Variants in MADD observed in about 807,000 individuals in gnomAD.
MADD encodes MAP kinase-activating death domain protein.
In MADD, 109 loss-of-function variants were observed where a neutral mutation model predicts 176.7. The observed-to-expected ratio is 0.62, with a 90% CI of 0.53 to 0.72. The LOEUF is 0.72. Ranked by LOEUF, MADD falls within the 30% of genes least tolerant of loss-of-function variation. The pLI, the probability that MADD is intolerant of heterozygous loss-of-function variation, is 0.00. For missense variants in MADD, 1,914 were observed against 2,045.5 expected (o/e 0.94, Z 1.24); for synonymous variants, 771 against 771.3 (o/e 1.00, Z 0.01).
chr11:47,327,938 T>C, intron 31 of MADD: 1 of 985,352 alleles, frequency 1.0e-6, no homozygotes, highest in Non-Finnish European at 1.2e-6. Context: ...ACTCTCACTC[T>C]TGCCTTCTGG....
intron 19 of MADD, among the ~76,000 whole-genome samples, chr11:47,292,892 A>G (rs2066630200): frequency 6.6e-6 from 1 of 151,932 alleles, no homozygotes; most frequent in Admixed American, 6.6e-5. Flanking sequence ...AGTGCCCCCC[A>G]TTGGCTGATA....
At chr11:47,301,166 G>A (rs2077483792) in intron 22 of MADD, among the ~76,000 whole-genome samples, 1 of 151,904 alleles carries the variant, frequency 6.6e-6, no homozygotes, top group South Asian at 2.1e-4. Context: ...AGGCTGGAGT[G>A]CAGTGGTGCA....
At chr11:47,296,962 A>G (rs777670594) in intron 22 of MADD, among the ~76,000 whole-genome samples, 12 of 151,494 alleles carry the variant, frequency 7.9e-5, no homozygotes, top group Non-Finnish European at 1.0e-4. Flanking sequence ...TTTTGTAGAG[A>G]TGGGGTTTCC....
chr11:47,315,458 A>G, intron 27 of MADD, 131 bp downstream of exon 30: 2 of 560,482 alleles, frequency 3.6e-6, no homozygotes, highest in Non-Finnish European at 6.4e-6. Context: ...AAATTATCAG[A>G]TTGGTTTTTT....
intron 27 of MADD, among the ~76,000 whole-genome samples, chr11:47,318,826 GAGAC>G (rs1329729026): frequency 5.9e-4 from 27 of 45,494 alleles, no homozygotes; most frequent in African/African-American, 1.8e-3. Context: ...TTTTTTTTTT[GAGAC>G]AGAGTCTCAC....
Position 47,305,576 on chromosome 11 carries a change from T to G in MADD, c.3643-3015T>G, listed in dbSNP as rs185695937. ...TCAGGTCCCACGGAATGAGGCACCA[T>G]GTAGTAGTGACTCTAGACTCCAGGA... On this transcript the variant is annotated intron_variant, in intron 22 of 32. Coordinates refer to ENST00000402192, the Ensembl canonical transcript of MADD. 5.9e-5 allele frequency among the ~76,000 whole-genome samples: 9 copies of G among 152,154 alleles called. No individual in the cohort carries two copies. In the East Asian group the frequency reaches 1.7e-3, roughly 29 times the overall value.
exon 30 of MADD, chr11:47,324,508 G>A: frequency 6.2e-7 from 1 of 1,614,170 alleles, no homozygotes; most frequent in East Asian, 2.2e-5. Context: ...TGCAGGACCT[G>A]AAGACTGGTG....
At chr11:47,276,049 G>A (rs2049533629) in exon 4 of MADD, 1 of 1,614,174 alleles carries the variant, frequency 6.2e-7, no homozygotes, top group Non-Finnish European at 8.5e-7. Context: ...TAGACATCGA[G>A]GTCCTACCCC....
chr11:47,276,266 C>T, intron 4 of MADD, 64 bp downstream of exon 4: 1 of 1,476,534 alleles, frequency 6.8e-7, no homozygotes, highest in South Asian at 1.3e-5. Context: ...GTGGCCAGAC[C>T]ACGAGCTCTT....
intron 26 of MADD, among the ~76,000 whole-genome samples, chr11:47,312,575 A>G (rs2090339561): frequency 6.6e-6 from 1 of 152,178 alleles, no homozygotes; most frequent in Non-Finnish European, 1.5e-5. Flanking sequence ...TCCTGAGGTT[A>G]CAGGCATGCA....
At chr11:47,313,030 G>A (rs2090722218) in intron 26 of MADD, among the ~76,000 whole-genome samples, 2 of 152,152 alleles carry the variant, frequency 1.3e-5, no homozygotes, top group South Asian at 2.1e-4. Context: ...GTTATTCAGA[G>A]TACCCAACTG....
At chr11:47,305,204 A>G (rs980333926) in intron 22 of MADD, among the ~76,000 whole-genome samples, 4 of 152,088 alleles carry the variant, frequency 2.6e-5, no homozygotes, top group Non-Finnish European at 5.9e-5. Context: ...CATGGCCTAC[A>G]AGCAGCTGCA....
intron 22 of MADD, among the ~76,000 whole-genome samples, chr11:47,302,639 G>A (rs1277379063): frequency 6.6e-6 from 1 of 151,596 alleles, no homozygotes; most frequent in Admixed American, 6.6e-5. Context: ...ATGTGTCTTT[G>A]CTAGTGAAAT....
In MADD at chr11:47,282,894, A is replaced by T. The variant is rs1468849829; in HGVS notation, c.1787A>T (p.Asp596Val). The T allele has an allele frequency of 1.9e-6, 3 of 1,614,048 alleles. No individual in the cohort carries two copies. In the East Asian group the frequency reaches 6.7e-5, roughly 36 times the overall value. The stretch of plus-strand genomic sequence containing the variant: ...CAGCCTATCCACTATCGCGTCTATG[A>T]CAGCAATTCCCAGCTGGCTGAGGCC... The change falls in exon 10 of 33, where the codon GAC becomes GTC. Residue 596 changes from aspartate to valine, a missense_variant. Asp to Val is a radical substitution (Grantham distance 152). Around this residue, in one of 2 missense-constraint regions of MADD, gnomAD observed 1,767 missense variants for 1,836.0 expected, o/e 0.96. Transcript: ENST00000402192.
intron 27 of MADD, among the ~76,000 whole-genome samples, chr11:47,321,129 A>G (rs894690069): frequency 2.6e-5 from 4 of 152,220 alleles, no homozygotes; most frequent in African/African-American, 7.2e-5. Flanking sequence ...TTAGACGACT[A>G]TAACAGTATA....
At chr11:47,298,263 G>A (rs1010656670) in intron 22 of MADD, among the ~76,000 whole-genome samples, 11 of 152,282 alleles carry the variant, frequency 7.2e-5, no homozygotes, top group South Asian at 2.1e-4. Context: ...ACTTCTCTTC[G>A]CTTAGAAGAA....
rs755575127 is a variant in MADD at position 47,285,193 on chromosome 11, C to T, written c.2410C>T (p.Arg804Trp). The stretch of plus-strand genomic sequence containing the variant: ...ATTCAGCCAACATGTCAGTGGCAAT[C>T]GGTGAGAGCCTGGGCATCCCTTCTA... Residue 804 changes from arginine to tryptophan, a missense_variant and splice_region_variant, in exon 13 of 33, where the codon CGG becomes TGG. Arg to Trp is a moderately radical substitution (Grantham distance 101). Around this residue, in one of 2 missense-constraint regions of MADD, gnomAD observed 1,767 missense variants for 1,836.0 expected, o/e 0.96. Transcript: ENST00000402192. The T allele has an allele frequency of 2.4e-5, 38 of 1,613,232 alleles. No homozygotes were observed. The highest frequency in any genetic ancestry group is 1.1e-4 in the South Asian group (10 of 91,046).
chr11:47,292,855 T>C (rs1193705695), intron 19 of MADD, among the ~76,000 whole-genome samples: 2 of 152,098 alleles, frequency 1.3e-5, no homozygotes, highest in Admixed American at 6.5e-5. Flanking sequence ...TGCTTCAGAG[T>C]TGGTGGGGAG....
chr11:47,286,836 T>C (rs2060991733), intron 15 of MADD, among the ~76,000 whole-genome samples: 2 of 152,170 alleles, frequency 1.3e-5, no homozygotes, highest in African/African-American at 2.4e-5. Context: ...CTGCCCCCAG[T>C]CGTCTGCTGG....
Sources: allele counts gnomAD v4.1 joint callset (sites outside exome capture counted in the v4.1 genomes callset), GRCh38; gene constraint gnomAD v4.1.1; regional missense constraint gnomAD v4.1.1; transcripts MANE v1.5; gene names NCBI Gene and HGNC (gene_info 2026-07-23, HGNC 2026-07-21).